Variants in SH2B3 observed in about 807,000 individuals in gnomAD.
SH2B3 encodes SH2B adapter protein 3.
In SH2B3, 43 loss-of-function variants were observed where a neutral mutation model predicts 51.9. That is an observed-to-expected ratio of 0.83 (90% CI 0.65 to 1.07). SH2B3 has a LOEUF of 1.07. Ranked by LOEUF, SH2B3 falls within the 50% of genes least tolerant of loss-of-function variation. SH2B3 has a pLI of 0.00. For synonymous variants in SH2B3, 396 were observed against 376.0 expected (o/e 1.05, Z -0.62); for missense variants, 952 against 834.3 (o/e 1.14, Z -1.74).
chr12:111,447,903 G>T, intron 7 of SH2B3, 76 bp downstream of exon 7: 1 of 1,556,986 alleles, frequency 6.4e-7, no homozygotes, highest in South Asian at 1.2e-5. Flanking sequence ...CAGACCCAGG[G>T]GTACAGGTAT....
chr12:111,439,153 G>A (rs928380563), intron 2 of SH2B3, among the ~76,000 whole-genome samples: 2 of 151,956 alleles, frequency 1.3e-5, no homozygotes, highest in African/African-American at 4.8e-5. Flanking sequence ...TTGTATTTTT[G>A]TATTTTTTTG....
intron 2 of SH2B3, among the ~76,000 whole-genome samples, chr12:111,426,458 C>T (rs1338947681): frequency 6.6e-6 from 1 of 150,694 alleles, no homozygotes; most frequent in Non-Finnish European, 1.5e-5. Context: ...ACTCCTGGCC[C>T]TAAGTGATCC....
intron 2 of SH2B3, chr12:111,434,927 G>A (rs760113176): frequency 6.5e-7 from 1 of 1,535,614 alleles, no homozygotes; most frequent in South Asian, 1.2e-5. Flanking sequence ...CTGTGCCGTG[G>A]CTGGAGGAGG....
In SH2B3 at chr12:111,418,702, G is replaced by A. The variant is rs183913232; in HGVS notation, c.557G>A (p.Ser186Asn). 2 of 1,486,760 alleles carry A rather than the reference G, an allele frequency of 1.3e-6. No homozygotes were observed. The highest frequency in any genetic ancestry group is 2.3e-4 in the Middle Eastern group (1 of 4,392). 92.1% of individuals were successfully genotyped at this position (1,486,760 alleles called of 1,614,324 possible). ...CTGGCCAAGAAGTTCCTGCCCTGGA[G>A]CCTGGCCCGGGAGCCGCCACCCGAG... ...PGLAKKFLPW[S>N]LAREPPPEAL... Residue 186 changes from serine (S) to asparagine (N), a missense_variant, in exon 2 of 8, where the codon AGC (serine) becomes AAC (asparagine). Ser to Asn is a conservative substitution (Grantham distance 46). Transcript: ENST00000341259. This position sits in a 1 kb window ranked among gnomAD's most constrained non-coding sequence, Gnocchi z 6.7.
At chr12:111,426,019 T>G (rs1281339848) in intron 2 of SH2B3, among the ~76,000 whole-genome samples, 1 of 152,094 alleles carries the variant, frequency 6.6e-6, no homozygotes, top group East Asian at 1.9e-4. Flanking sequence ...CCCCAGGAAA[T>G]GGTCTGTCTG....
Position 111,418,754 on chromosome 12 carries a change from C to T in SH2B3, c.609C>T (p.Tyr203=). Residue 203 remains tyrosine (Y), a synonymous_variant, in exon 2 of 8, where the codon TAC becomes TAT. Coordinates refer to ENST00000341259, the MANE Select transcript of SH2B3 (RefSeq NM_005475.3). The surrounding 1 kb of genome is among the most constrained non-coding windows in gnomAD (Gnocchi z 6.7). ...PEALKEAVLR[Y]SLADEASMDS... ...CGCTGAAGGAGGCGGTGCTGCGCTA[C>T]AGCCTGGCCGACGAGGCCTCCATGG... is the stretch of plus-strand genomic sequence containing the variant. The T allele has an allele frequency of 6.8e-7, 1 of 1,481,344 alleles. No homozygotes were observed. Among genetic ancestry groups the T allele is most frequent in the East Asian group, 2.9e-5 (1 of 34,596 alleles). 91.8% of individuals were successfully genotyped at this position (1,481,344 alleles called of 1,614,324 possible).
chr12:111,412,011 TC>T (rs34354970), intron 1 of SH2B3, among the ~76,000 whole-genome samples: 1 of 151,718 alleles, frequency 6.6e-6, no homozygotes, highest in Non-Finnish European at 1.5e-5. Flanking sequence ...CTGACCAGGC[TC>T]CCCCGAAGCT....
chr12:111,418,542 TG>T lies in SH2B3; in HGVS notation c.398del (p.Cys133SerfsTer64). The T allele has an allele frequency of 6.9e-7, 1 of 1,452,460 alleles. No individual in the cohort carries two copies. The highest frequency in any genetic ancestry group is 9.0e-7 in the Non-Finnish European group (1 of 1,106,190). 90.0% of individuals were successfully genotyped at this position (1,452,460 alleles called of 1,614,324 possible). On this transcript the variant is annotated frameshift_variant, in exon 2 of 8. Transcript: ENST00000341259. LOFTEE classifies it high-confidence loss of function. This position sits in a 1 kb window ranked among gnomAD's most constrained non-coding sequence, Gnocchi z 6.7. The stretch of plus-strand genomic sequence containing the variant: ...GGCCCCGCCGCGGCCGCCCGGGCCC[TG>T]CTCCTTCCAGCACTTTCGCCGCAGC... ...ELAPPRPPGP[C>X]SFQHFRRSLR...
chr12:111,416,097 ACC>A (rs938817827), intron 1 of SH2B3, among the ~76,000 whole-genome samples: 2 of 151,460 alleles, frequency 1.3e-5, no homozygotes, highest in African/African-American at 4.9e-5. Flanking sequence ...GCCTGCCACC[ACC>A]CCCCGCTAAT....
In SH2B3 at chr12:111,448,840, C is replaced by A. The variant is rs1208513775; in HGVS notation, c.*538C>A. On this transcript the variant is annotated 3_prime_UTR_variant, in exon 8 of 8. Coordinates refer to ENST00000341259, the MANE Select transcript of SH2B3 (RefSeq NM_005475.3). ...TTTAGGACAAAAGCTCTGTCAGAGG[C>A]ACAAGCTGAAGGTCAAAAATGATTT... 6.5e-6 allele frequency: 1 copy of A among 153,914 alleles called. No homozygotes were observed. The highest frequency in any genetic ancestry group is 1.9e-4 in the East Asian group (1 of 5,202). 9.5% of individuals were successfully genotyped at this position (153,914 alleles called of 1,614,324 possible).
At chr12:111,434,636 G>A (rs1433943682) in intron 2 of SH2B3, 1 of 283,760 alleles carries the variant, frequency 3.5e-6, no homozygotes, top group African/African-American at 2.3e-5. Flanking sequence ...TTTATTCTTT[G>A]CTTTTTTACC....
rs1428510474 is a variant in SH2B3, at chr12:111,448,037, CCCTTCCTCACTGGGGTTCAGAGTT to C, written c.1464_1487del (p.Leu489_Leu496del). On this transcript the variant is annotated inframe_deletion, in exon 8 of 8. Transcript: ENST00000341259. ...TCCCTTCCTCACTGGGATTCAGAGT[CCCTTCCTCACTGGGGTTCAGAGTT>C]GGGCCTTCCCCACCTTAGTTCTTCT... 1 of 1,612,172 alleles carries C rather than the reference CCCTTCCTCACTGGGGTTCAGAGTT, an allele frequency of 6.2e-7. No individual in the cohort carries two copies. The highest frequency in any genetic ancestry group is 1.3e-5 in the African/African-American group (1 of 74,890).
intron 2 of SH2B3, among the ~76,000 whole-genome samples, chr12:111,419,439 C>A (rs939711177): frequency 6.6e-6 from 1 of 152,156 alleles, no homozygotes; most frequent in African/African-American, 2.4e-5. Context: ...GGGTTCAAGA[C>A]CAGTCTGGCC....
rs913406538 is a variant in SH2B3 at position 111,449,318 on chromosome 12, G to C, written c.*1016G>C. On this transcript the variant is annotated 3_prime_UTR_variant, in exon 8 of 8. Coordinates refer to ENST00000341259, the MANE Select transcript of SH2B3 (RefSeq NM_005475.3). Reference sequence around the variant, plus strand: ...ATCCTTCAGCAACAAGGCTGGCTTGGTGCCCTCCAAGCATCTAATGGCTTA... The same window carrying C: ...ATCCTTCAGCAACAAGGCTGGCTTGCTGCCCTCCAAGCATCTAATGGCTTA... 1 of 152,314 alleles carries C rather than the reference G, an allele frequency of 6.6e-6. No individual in the cohort carries two copies. The highest frequency in any genetic ancestry group is 2.1e-4 in the South Asian group (1 of 4,830). 9.4% of individuals were successfully genotyped at this position (152,314 alleles called of 1,614,324 possible).
At position 111,418,821 on chromosome 12, in the gene SH2B3, C is replaced by G. The variant is rs940562223; in HGVS notation, c.676C>G (p.Arg226Gly). The G allele has an allele frequency of 7.7e-6, 11 of 1,423,808 alleles. No individual in the cohort carries two copies. The highest frequency in any genetic ancestry group is 9.1e-6 in the Non-Finnish European group (10 of 1,102,750). 88.2% of individuals were successfully genotyped at this position (1,423,808 alleles called of 1,614,324 possible). A position where few individuals can be genotyped will look rare whatever the true frequency, so the allele number is the denominator to read the frequency against. ...GCAGCGCGGGAGGCTGGCGCTGCGC[C>G]GGGCCCCGGGCCCCGATGGCCCCGA... The part of the protein sequence containing the change: ...RWQRGRLALR[R>G]APGPDGPDRV... Residue 226 changes from arginine to glycine, a missense_variant, in exon 2 of 8, where the codon CGG becomes GGG. By Grantham distance (125) the Arg-to-Gly change is moderately radical. Transcript: ENST00000341259. The surrounding 1 kb of genome is among the most constrained non-coding windows in gnomAD (Gnocchi z 6.7).
intron 2 of SH2B3, among the ~76,000 whole-genome samples, chr12:111,422,103 G>A (rs1407309068): frequency 4.6e-5 from 7 of 152,110 alleles, no homozygotes; most frequent in Admixed American, 2.0e-4. Context: ...GTTTTGAGAC[G>A]GAGTCTCGCT....
Position 111,418,865 on chromosome 12 carries a change from C to A in SH2B3, c.720C>A (p.Phe240Leu). The A allele has an allele frequency of 7.1e-7, 1 of 1,412,486 alleles. No individual in the cohort carries two copies. The highest frequency in any genetic ancestry group is 3.0e-5 in the East Asian group (1 of 33,316). The allele number at this position is 1,412,486 out of a possible 1,614,324, so 87.5% of individuals were successfully genotyped here. A position where few individuals can be genotyped will look rare whatever the true frequency, so the allele number is the denominator to read the frequency against. ...GCCCCGACCGCGTGCTGGAGCTCTTCGACCCACCCAAGGTAAGTAAGCCCT... is the reference window on the plus strand; with the variant it reads ...GCCCCGACCGCGTGCTGGAGCTCTTAGACCCACCCAAGGTAAGTAAGCCCT... ...PDGPDRVLEL[F>L]DPPKSSRPKL... The change falls in exon 2 of 8, where the codon TTC becomes TTA. Residue 240 changes from phenylalanine to leucine, a missense_variant. Transcript: ENST00000341259. This position sits in a 1 kb window ranked among gnomAD's most constrained non-coding sequence, Gnocchi z 6.7.
chr12:111,441,226 TAATC>T (rs1873379098), intron 2 of SH2B3, among the ~76,000 whole-genome samples: 1 of 151,546 alleles, frequency 6.6e-6, no homozygotes, highest in African/African-American at 2.4e-5. Flanking sequence ...TACAAAAAAA[TAATC>T]AGCCACATGT....
At chr12:111,445,582 A>C (rs905545137) in intron 2 of SH2B3, among the ~76,000 whole-genome samples, 5 of 152,220 alleles carry the variant, frequency 3.3e-5, no homozygotes, top group Non-Finnish European at 7.3e-5. Flanking sequence ...AGCTGTGGCC[A>C]GTGTTGGTCA....
Sources: gnomAD v4.1 joint callset for allele counts (sites outside exome capture counted in the v4.1 genomes callset) on GRCh38, gnomAD v4.1.1 for gene constraint, Gnocchi (gnomAD v3.1) non-coding constraint, MANE v1.5 for transcripts, NCBI Gene and HGNC (gene_info 2026-07-23, HGNC 2026-07-21) for gene names.